RHPN2: variants seen among roughly 807,000 people sequenced by gnomAD.
RHPN2 encodes the protein rhophilin-2.
In RHPN2, 40 loss-of-function variants were observed where a neutral mutation model predicts 79.0. That is an observed-to-expected ratio of 0.51 (90% CI 0.39 to 0.66). The LOEUF (loss-of-function observed/expected upper bound fraction) is 0.66, where lower values mean the gene tolerates loss of function less well. Among genes scored for constraint, RHPN2 ranks in the 30% least tolerant of loss-of-function variants. The pLI is 0.00. For missense variants in RHPN2, 686 were observed against 883.5 expected (o/e 0.78, Z 2.83); for synonymous variants, 285 against 363.5 (o/e 0.78, Z 2.46).
At chr19:32,984,095 G>A (rs1971597649) in intron 14 of RHPN2, among the ~76,000 whole-genome samples, 1 of 152,180 alleles carries the variant, frequency 6.6e-6, no homozygotes, top group African/African-American at 2.4e-5. Context: ...TGAACGTGCT[G>A]AAGGTTACAC....
At chr19:32,990,781 T>A (rs1971652431) in intron 13 of RHPN2, 112 bp from the exon 14 acceptor site, 12 of 1,277,990 alleles carry the variant, frequency 9.4e-6, no homozygotes, top group Non-Finnish European at 1.1e-5. Flanking sequence ...AAGCAAAAAT[T>A]CACTTTGGGT....
chr19:33,026,822 G>C (rs1971971802), intron 2 of RHPN2, 190 bp from the exon 3 acceptor site: 1 of 599,102 alleles, frequency 1.7e-6, no homozygotes, highest in Admixed American at 2.2e-5. Flanking sequence ...CCAGTACGTG[G>C]AGCTGGGGAC....
chr19:33,020,090 A>G (rs1461115502), intron 4 of RHPN2, among the ~76,000 whole-genome samples: 4 of 151,922 alleles, frequency 2.6e-5, no homozygotes, highest in African/African-American at 9.7e-5. Flanking sequence ...CACTGACCCA[A>G]AGGCCCCGCA....
chr19:33,057,219 T>C (rs1386362854), intron 1 of RHPN2, among the ~76,000 whole-genome samples: 1 of 151,642 alleles, frequency 6.6e-6, no homozygotes, highest in East Asian at 1.9e-4. Context: ...GGCTCATGCC[T>C]GTTGTCCCAG....
Position 32,981,537 on chromosome 19 carries a change from G to T in RHPN2, c.1801-1281C>A, listed in dbSNP as rs559495323. On this transcript the variant is annotated intron_variant, in intron 14 of 14. Transcript: ENST00000254260. ...AAAAAAAAAAAAGAGTATGCAGTGA[G>T]CAATAGGTCTCCCTGTCACCTGGGC... Among the ~76,000 whole-genome samples the T allele has an allele frequency of 2.0e-5, 3 of 150,964 alleles. No individual in the cohort carries two copies. In the South Asian group the frequency reaches 6.3e-4, roughly 32 times the overall value.
intron 4 of RHPN2, among the ~76,000 whole-genome samples, chr19:33,018,946 AC>A (rs1427243129): frequency 6.7e-6 from 1 of 150,322 alleles, no homozygotes; most frequent in Non-Finnish European, 1.5e-5. Context: ...CAGGAGAATC[AC>A]TTGAACCTGG....
chr19:32,989,417 G>A (rs1568309376), intron 14 of RHPN2, among the ~76,000 whole-genome samples: 2 of 152,088 alleles, frequency 1.3e-5, no homozygotes, highest in Admixed American at 1.3e-4. Flanking sequence ...CTCACGTGGG[G>A]AAAATTAAAG....
In RHPN2 at chr19:32,980,186, TC is replaced by T; in HGVS notation, c.1870del (p.Asp624MetfsTer18). 1 of 1,613,942 alleles carries T rather than the reference TC, an allele frequency of 6.2e-7. No individual in the cohort carries two copies. The highest frequency in any genetic ancestry group is 1.1e-5 in the South Asian group (1 of 91,074). ...TYSMICLAID[D>X]DDKTDKTKKI... The stretch of plus-strand genomic sequence containing the variant: ...CTTGGTTTTATCAGTTTTGTCGTCA[TC>T]ATCAATGGCTAAGCAGATCATGGAG... On this transcript the variant is annotated frameshift_variant, in exon 15 of 15. Coordinates refer to ENST00000254260, the MANE Select transcript of RHPN2 (RefSeq NM_033103.5). LOFTEE classifies it high-confidence loss of function.
At chr19:33,044,436 G>T in intron 1 of RHPN2, 72 bp from the exon 2 acceptor site, 1 of 946,364 alleles carries the variant, frequency 1.1e-6, no homozygotes, top group Non-Finnish European at 1.7e-6. Context: ...TAATATAATG[G>T]AAAATGTTTA....
intron 1 of RHPN2, among the ~76,000 whole-genome samples, chr19:33,064,110 G>C (rs1487369963): frequency 6.6e-6 from 1 of 152,160 alleles, no homozygotes; most frequent in Non-Finnish European, 1.5e-5. Context: ...TTGAGAGACC[G>C]GGGCGGGAGG....
At position 33,002,217 on chromosome 19, in the gene RHPN2, C is replaced by T. The variant is rs112285094; in HGVS notation, c.1105+30G>A. On this transcript the variant is annotated intron_variant, in intron 9 of 14. Transcript: ENST00000254260. The stretch of plus-strand genomic sequence containing the variant: ...CCTGGGGCAGCTGGACCACAGCCCT[C>T]GCCAAACTCCCGAACCCCCCAGGCC... 1.6e-4 allele frequency: 253 copies of T among 1,608,780 alleles called. 1 individual carries two copies. Among genetic ancestry groups the T allele is most frequent in the Middle Eastern group, 1.1e-3 (5 of 4,610 alleles).
intron 10 of RHPN2, among the ~76,000 whole-genome samples, chr19:32,998,111 C>T (rs756488574): frequency 5.9e-5 from 9 of 152,260 alleles, no homozygotes; most frequent in African/African-American, 1.2e-4. Context: ...CAGGAAAACC[C>T]GCTATGAGCA....
intron 1 of RHPN2, among the ~76,000 whole-genome samples, chr19:33,062,461 CAG>C (rs1858093868): frequency 1.3e-5 from 2 of 148,560 alleles, no homozygotes; most frequent in Admixed American, 6.7e-5. Context: ...GACTCCATCT[CAG>C]GGGGAAAAAA....
intron 10 of RHPN2, among the ~76,000 whole-genome samples, chr19:32,996,988 T>G (rs1256978601): frequency 6.6e-6 from 1 of 152,212 alleles, no homozygotes; most frequent in African/African-American, 2.4e-5. Context: ...CTCAAACTCC[T>G]GGGCTGAACT....
rs1971911150 is a variant in RHPN2, at chr19:33,020,084, G to A, written c.390+1487C>T. Among the ~76,000 whole-genome samples the A allele has an allele frequency of 2.6e-5, 4 of 152,042 alleles. No individual in the cohort carries two copies. In the South Asian group the frequency reaches 8.3e-4, roughly 32 times the overall value. On this transcript the variant is annotated intron_variant, in intron 4 of 14. Transcript: ENST00000254260. Reference sequence around the variant, plus strand: ...CCACTTCCCACTTGAAACCCCCACTGACCCAAAGGCCCCGCAGGCAGGGCT... The same window carrying A: ...CCACTTCCCACTTGAAACCCCCACTAACCCAAAGGCCCCGCAGGCAGGGCT...
intron 1 of RHPN2, among the ~76,000 whole-genome samples, chr19:33,048,764 A>T (rs1479434135): frequency 6.7e-6 from 1 of 148,220 alleles, no homozygotes; most frequent in Admixed American, 6.8e-5. Flanking sequence ...TTAAGCTATT[A>T]TAATTAAATA....
At chr19:33,041,718 G>A (rs1452304597) in intron 2 of RHPN2, among the ~76,000 whole-genome samples, 2 of 152,130 alleles carry the variant, frequency 1.3e-5, no homozygotes, top group Non-Finnish European at 2.9e-5. Flanking sequence ...GCCATCCTGG[G>A]CCAACCTCTA....
chr19:33,007,920 G>C, intron 7 of RHPN2, 94 bp downstream of exon 7: 2 of 1,401,446 alleles, frequency 1.4e-6, no homozygotes, highest in Non-Finnish European at 2.0e-6. Flanking sequence ...TGGCCCTTGC[G>C]AGGGATGACC....
intron 2 of RHPN2, among the ~76,000 whole-genome samples, chr19:33,031,236 TTC>T (rs1972008694): frequency 6.6e-6 from 1 of 151,480 alleles, no homozygotes; most frequent in Non-Finnish European, 1.5e-5. Flanking sequence ...TTCTATTCTA[TTC>T]TATTCTATTC....
Sources: allele counts gnomAD v4.1 joint callset (sites outside exome capture counted in the v4.1 genomes callset), GRCh38; gene constraint gnomAD v4.1.1; transcripts MANE v1.5; gene names NCBI Gene and HGNC (gene_info 2026-07-23, HGNC 2026-07-21).